C8A: variants seen among roughly 807,000 people sequenced by gnomAD.
C8A encodes the protein complement component C8 alpha chain.
A neutral mutation model predicts 65.3 loss-of-function variants in C8A; 67 were observed. The ratio of observed to expected loss-of-function variants is 1.03; its 90% confidence interval spans 0.84 to 1.26. The LOEUF is 1.26. Ranked by LOEUF, C8A falls within the 50% of genes most tolerant of loss-of-function variation. The pLI, the probability that C8A is intolerant of heterozygous loss-of-function variation, is 0.00. For synonymous variants in C8A, 290 were observed against 259.4 expected, an observed-to-expected ratio of 1.12 and a Z score of -1.13; for missense variants, 781 against 723.9, an observed-to-expected ratio of 1.08 and a Z score of -0.90.
At chr1:56,916,179 C>A (rs1644549709) in intron 10 of C8A, among the ~76,000 whole-genome samples, 2 of 152,166 alleles carry the variant, frequency 1.3e-5, no homozygotes, top group Admixed American at 1.3e-4. Flanking sequence ...TAATGATCTG[C>A]AGGGAGGGAG....
chr1:56,857,550 T>C (rs1643989197), intron 1 of C8A, among the ~76,000 whole-genome samples: 1 of 152,066 alleles, frequency 6.6e-6, no homozygotes, highest in Non-Finnish European at 1.5e-5. Context: ...CATGTGAACA[T>C]ACATAGATGA....
intron 7 of C8A, among the ~76,000 whole-genome samples, chr1:56,902,319 C>T (rs1238170241): frequency 6.6e-6 from 1 of 152,168 alleles, no homozygotes; most frequent in Non-Finnish European, 1.5e-5. Flanking sequence ...ATTCTTCTTC[C>T]TCAAGACAAC....
At chr1:56,877,365 A>C (rs1644208406) in intron 4 of C8A, among the ~76,000 whole-genome samples, 1 of 152,060 alleles carries the variant, frequency 6.6e-6, no homozygotes, top group Non-Finnish European at 1.5e-5. Context: ...AGGTTGACTT[A>C]GTCCCCTCCC....
At chr1:56,889,768 A>G (rs557705343) in intron 7 of C8A, among the ~76,000 whole-genome samples, 3 of 152,064 alleles carry the variant, frequency 2.0e-5, no homozygotes, top group African/African-American at 7.2e-5. Context: ...GGTTCGTTCC[A>G]GAGGATGCAC....
chr1:56,908,104 C>T lies in C8A; in HGVS notation c.1371C>T (p.Ile457=), dbSNP rs267598669. The T allele has an allele frequency of 3.7e-6, 6 of 1,613,916 alleles. No homozygotes were observed. Among genetic ancestry groups the T allele is most frequent in the Admixed American group, 1.7e-5 (1 of 59,998 alleles). Residue 457 remains isoleucine, a synonymous_variant, in exon 9 of 11, where the codon ATC becomes ATT. Transcript: ENST00000361249. ...GRSLKYNPVV[I]DFEMQPIHEV... is the part of the protein sequence containing the mutation. ...CATTAAAGTATAATCCTGTTGTTAT[C>T]GATTTTGAGGTAAGTCTTTTCGCAG...
At chr1:56,896,225 G>A (rs1033564820) in intron 7 of C8A, among the ~76,000 whole-genome samples, 2 of 152,074 alleles carry the variant, frequency 1.3e-5, no homozygotes, top group Non-Finnish European at 2.9e-5. Context: ...TATATAAAAT[G>A]TATATATAAT....
At chr1:56,877,060 A>G (rs1302304318) in intron 4 of C8A, among the ~76,000 whole-genome samples, 1 of 152,202 alleles carries the variant, frequency 6.6e-6, no homozygotes, top group Non-Finnish European at 1.5e-5. Flanking sequence ...GAAGACAAAG[A>G]TATACCAGCG....
At chr1:56,893,830 A>T (rs1644367388) in intron 7 of C8A, among the ~76,000 whole-genome samples, 1 of 152,138 alleles carries the variant, frequency 6.6e-6, no homozygotes, top group Admixed American at 6.6e-5. Flanking sequence ...TCTGAGTCAG[A>T]TTGCCTGATT....
At chr1:56,903,492 T>G (rs1644441798) in intron 7 of C8A, among the ~76,000 whole-genome samples, 1 of 152,230 alleles carries the variant, frequency 6.6e-6, no homozygotes, top group Non-Finnish European at 1.5e-5. Context: ...TATGTCTTTA[T>G]TAGCAGCATG....
intron 10 of C8A, among the ~76,000 whole-genome samples, chr1:56,915,407 A>G (rs1252335010): frequency 6.6e-6 from 1 of 152,144 alleles, no homozygotes; most frequent in Non-Finnish European, 1.5e-5. Flanking sequence ...GAAAAAAGGC[A>G]CTGCTTGGTA....
chr1:56,895,782 TAAAC>T (rs1293033110), intron 7 of C8A, among the ~76,000 whole-genome samples: 10 of 151,864 alleles, frequency 6.6e-5, no homozygotes, highest in East Asian at 3.9e-4. Context: ...CTATAAAAAT[TAAAC>T]AAACAAACAA....
intron 7 of C8A, among the ~76,000 whole-genome samples, chr1:56,892,483 C>G (rs1644355311): frequency 6.6e-6 from 1 of 151,972 alleles, no homozygotes; most frequent in Non-Finnish European, 1.5e-5. Flanking sequence ...TTCATTTCAG[C>G]CGCCTTTACT....
intron 6 of C8A, among the ~76,000 whole-genome samples, chr1:56,885,376 T>A (rs1419102533): frequency 4.3e-5 from 4 of 92,232 alleles, no homozygotes; most frequent in South Asian, 7.3e-4. Context: ...ATATTTATAT[T>A]TATTTAAATA....
intron 7 of C8A, among the ~76,000 whole-genome samples, chr1:56,894,883 C>G (rs765829579): frequency 6.6e-6 from 1 of 152,096 alleles, no homozygotes; most frequent in East Asian, 1.9e-4. Flanking sequence ...CTGTGGACAG[C>G]CAAATTGGTT....
Position 56,883,611 on chromosome 1 carries a change from T to C in C8A, c.785T>C (p.Leu262Ser). The change falls in exon 6 of 11, where the codon TTG (leucine) becomes TCG (serine). Residue 262 changes from leucine (L) to serine (S), a missense_variant. Transcript: ENST00000361249. The stretch of plus-strand genomic sequence containing the variant: ...ATAGGCCCAGCCGGCAGCCCTTTAT[T>C]GGTGGGTGTAGGTGTATCCCACTCA... ...IGIGPAGSPL[L>S]VGVGVSHSQD... 6.2e-7 allele frequency: 1 copy of C among 1,613,986 alleles called. No individual in the cohort carries two copies. The highest frequency in any genetic ancestry group is 8.5e-7 in the Non-Finnish European group (1 of 1,179,938).
chr1:56,883,823 G>T, intron 6 of C8A, 142 bp downstream of exon 6: 1 of 722,344 alleles, frequency 1.4e-6, no homozygotes, highest in Non-Finnish European at 2.3e-6. Flanking sequence ...GTGGTAATCA[G>T]GTTTGTTTTT....
chr1:56,892,935 CT>C (rs2101265831), intron 7 of C8A, among the ~76,000 whole-genome samples: 1 of 152,178 alleles, frequency 6.6e-6, no homozygotes, highest in South Asian at 2.1e-4. Context: ...TGCTGTGATT[CT>C]TGGCCTTATT....
Position 56,881,554 on chromosome 1 carries a change from T to C in C8A, c.574T>C (p.Ser192Pro), listed in dbSNP as rs748216618. The stretch of plus-strand genomic sequence containing the variant: ...GGAATGGAGGGAGCTTCGATATGAC[T>C]CCACCTGTGAACGTCTCTACTATGG... ...NGEWRELRYD[S>P]TCERLYYGDD... The change falls in exon 5 of 11, where the codon TCC becomes CCC. Residue 192 changes from serine to proline, a missense_variant. Transcript: ENST00000361249. 4 of 1,613,790 alleles carry C rather than the reference T, an allele frequency of 2.5e-6. No homozygotes were observed. The highest frequency in any genetic ancestry group is 2.2e-5 in the East Asian group (1 of 44,864).
rs34914563 is a variant in C8A, at chr1:56,885,569, GT to G, written c.856-347del. Among the ~76,000 whole-genome samples, 45 of 126,292 alleles carry G rather than the reference GT, an allele frequency of 3.6e-4. 1 individual carries two copies. In the South Asian group the frequency reaches 6.5e-3, roughly 18 times the overall value. 82.9% of individuals were successfully genotyped at this position (126,292 alleles called of 152,430 possible). ...CTTTCTTTTTTGTTTTTTTTTGTTT[GT>G]TTTTTTTTTTGAGGCGGAGTCTTGC... is the stretch of plus-strand genomic sequence containing the variant. On this transcript the variant is annotated intron_variant, in intron 6 of 10. Transcript: ENST00000361249.
Sources: allele counts gnomAD v4.1 joint callset (sites outside exome capture counted in the v4.1 genomes callset), GRCh38; gene constraint gnomAD v4.1.1; transcripts MANE v1.5; gene names NCBI Gene and HGNC (gene_info 2026-07-23, HGNC 2026-07-21).